PPP2R2B: variants seen among roughly 807,000 people sequenced by gnomAD.
PPP2R2B encodes the protein serine/threonine-protein phosphatase 2A 55 kDa regulatory subunit B beta isoform.
A neutral mutation model predicts 46.0 loss-of-function variants in PPP2R2B; 5 were observed. The ratio of observed to expected loss-of-function variants is 0.11; its 90% confidence interval spans 0.06 to 0.23. The LOEUF (loss-of-function observed/expected upper bound fraction) is 0.23. Ranked by LOEUF, PPP2R2B falls within the 10% of genes least tolerant of loss-of-function variation. PPP2R2B has a pLI of 1.00. For synonymous variants in PPP2R2B, 215 were observed against 206.7 expected (o/e 1.04, Z -0.34); for missense variants, 367 against 575.0 (o/e 0.64, Z 3.70).
intron 2 of PPP2R2B, among the ~76,000 whole-genome samples, chr5:146,725,363 T>G (rs1274158854): frequency 1.3e-5 from 2 of 152,166 alleles, no homozygotes; most frequent in Non-Finnish European, 2.9e-5. Context: ...AGAACCTATG[T>G]ATTTCTGCCA....
chr5:146,878,895 A>G, upstream of PPP2R2B: 1 of 1,153,062 alleles, frequency 8.7e-7, no homozygotes, highest in Non-Finnish European at 1.1e-6. The surrounding 1 kb of genome is among the most constrained non-coding windows in gnomAD (Gnocchi z 4.5). Flanking sequence ...GGGCGCATGC[A>G]GCCGCGAATC....
intron 7 of PPP2R2B, among the ~76,000 whole-genome samples, chr5:146,629,244 C>T (rs1353286594): frequency 1.3e-5 from 2 of 152,206 alleles, no homozygotes; most frequent in Non-Finnish European, 1.5e-5. Context: ...AAAGAGAATG[C>T]TTGGTCTTTC....
At chr5:146,712,880 C>T (rs1289475307) in intron 2 of PPP2R2B, among the ~76,000 whole-genome samples, 6 of 152,140 alleles carry the variant, frequency 3.9e-5, no homozygotes, top group Admixed American at 3.9e-4. Flanking sequence ...TTCATTGACC[C>T]ATTTATTCAC....
At chr5:146,930,061 C>G (rs934397458) in intron 1 of PPP2R2B, among the ~76,000 whole-genome samples, 1 of 152,054 alleles carries the variant, frequency 6.6e-6, no homozygotes, top group Non-Finnish European at 1.5e-5. Context: ...AGACTAGAAA[C>G]GCATAAACCA....
intron 2 of PPP2R2B, among the ~76,000 whole-genome samples, chr5:146,796,781 A>G (rs1445400834): frequency 6.6e-6 from 1 of 152,180 alleles, no homozygotes; most frequent in Non-Finnish European, 1.5e-5. Context: ...GTAGCTTCTA[A>G]GTCTGGCCAG....
At chr5:146,923,091 C>T (rs1282421233) in intron 1 of PPP2R2B, among the ~76,000 whole-genome samples, 1 of 152,144 alleles carries the variant, frequency 6.6e-6, no homozygotes, top group African/African-American at 2.4e-5. Context: ...TTTGACAGCT[C>T]CAGGTTTTTC....
intron 2 of PPP2R2B, among the ~76,000 whole-genome samples, chr5:146,763,225 T>C (rs1414259777): frequency 6.6e-6 from 1 of 152,084 alleles, no homozygotes; most frequent in Non-Finnish European, 1.5e-5. Context: ...TAAGCAAACA[T>C]GAAGGAGGAA....
chr5:146,819,089 C>T (rs1758103382), intron 2 of PPP2R2B, among the ~76,000 whole-genome samples: 1 of 152,164 alleles, frequency 6.6e-6, no homozygotes, highest in Non-Finnish European at 1.5e-5. Context: ...ACAAAATCTC[C>T]AGCTGAAAAT....
intron 1 of PPP2R2B, among the ~76,000 whole-genome samples, chr5:146,891,987 G>A (rs956800623): frequency 2.6e-5 from 4 of 152,156 alleles, no homozygotes; most frequent in Admixed American, 6.5e-5. Flanking sequence ...TTGAAGGATG[G>A]GAAGACTCAT....
chr5:146,796,101 C>T (rs2151299654), intron 2 of PPP2R2B, among the ~76,000 whole-genome samples: 1 of 152,224 alleles, frequency 6.6e-6, no homozygotes, highest in South Asian at 2.1e-4. Flanking sequence ...CTGACTCAAA[C>T]AATGGTACAC....
intron 1 of PPP2R2B, among the ~76,000 whole-genome samples, chr5:147,028,343 G>A (rs927905355): frequency 1.3e-5 from 2 of 151,992 alleles, no homozygotes; most frequent in African/African-American, 4.8e-5. Flanking sequence ...TACAGAAAGG[G>A]CACTGAATGC....
chr5:147,073,458 C>T (rs993916037), intron 2 of PPP2R2B, among the ~76,000 whole-genome samples: 6 of 152,134 alleles, frequency 3.9e-5, no homozygotes, highest in African/African-American at 7.2e-5. Flanking sequence ...CAGATTGGAG[C>T]GCCATGCAAA....
intron 1 of PPP2R2B, among the ~76,000 whole-genome samples, chr5:146,985,017 CTTTTTTTTTTT>C (rs34277498): frequency 1.0e-5 from 1 of 99,492 alleles, no homozygotes; most frequent in East Asian, 2.9e-4. Flanking sequence ...TTTTCTTTTT[CTTTTTTTTTTT>C]TTTTTTTTTT....
intron 2 of PPP2R2B, among the ~76,000 whole-genome samples, chr5:146,731,534 G>C (rs1752230063): frequency 6.6e-6 from 1 of 152,182 alleles, no homozygotes; most frequent in African/African-American, 2.4e-5. Context: ...TTCCCGTAGA[G>C]TTTAACTGAC....
intron 7 of PPP2R2B, among the ~76,000 whole-genome samples, chr5:146,619,446 A>T (rs1265315377): frequency 6.6e-6 from 1 of 152,078 alleles, no homozygotes; most frequent in African/African-American, 2.4e-5. Context: ...ACAAAGCAAG[A>T]CTCTCTCAAA....
chr5:146,897,672 G>C (rs1351287265), intron 1 of PPP2R2B, among the ~76,000 whole-genome samples: 1 of 152,038 alleles, frequency 6.6e-6, no homozygotes, highest in Non-Finnish European at 1.5e-5. Flanking sequence ...ACATATACTG[G>C]AGACAACAGG....
At chr5:146,812,782 T>TGG (rs1757667878) in intron 2 of PPP2R2B, among the ~76,000 whole-genome samples, 1 of 33,980 alleles carries the variant, frequency 2.9e-5, no homozygotes, top group Non-Finnish European at 4.7e-5. Context: ...TGTGTGTGTG[T>TGG]GTATATGTGT....
chr5:146,925,078 T>C (rs938467257), intron 1 of PPP2R2B, among the ~76,000 whole-genome samples: 3 of 152,216 alleles, frequency 2.0e-5, no homozygotes, highest in African/African-American at 7.2e-5. Context: ...TTTGTGCTAT[T>C]ACTGTCCTAT....
At chr5:146,775,006 G>T (rs1755096463) in intron 2 of PPP2R2B, among the ~76,000 whole-genome samples, 1 of 152,068 alleles carries the variant, frequency 6.6e-6, no homozygotes, top group Non-Finnish European at 1.5e-5. Context: ...AAATCTTCCA[G>T]AGAAAAGCCC....
Sources: gnomAD v4.1 joint callset for allele counts (sites outside exome capture counted in the v4.1 genomes callset) on GRCh38, gnomAD v4.1.1 for gene constraint, Gnocchi (gnomAD v3.1) non-coding constraint, MANE v1.5 for transcripts, NCBI Gene and HGNC (gene_info 2026-07-23, HGNC 2026-07-21) for gene names.